Variants in ST14 observed in about 807,000 individuals in gnomAD.
ST14 encodes suppressor of tumorigenicity 14 protein.
ST14 carries 40 observed loss-of-function variants against 96.5 expected under a neutral mutation model. The observed-to-expected ratio is 0.41, with a 90% confidence interval of 0.32 to 0.54. The LOEUF (loss-of-function observed/expected upper bound fraction) is 0.54. Among genes scored for constraint, ST14 ranks in the 20% least tolerant of loss-of-function variants. ST14 has a pLI of 0.17. For missense variants in ST14, 1,066 were observed against 1,188.9 expected, an observed-to-expected ratio of 0.90 and a Z score of 1.52; for synonymous variants, 506 against 492.1, an observed-to-expected ratio of 1.03 and a Z score of -0.37.
rs1953163176 is a variant in ST14 at position 130,178,598 on chromosome 11, G to A, written c.82-9516G>A. On this transcript the variant is annotated intron_variant, in intron 1 of 18. Transcript: ENST00000278742. Reference sequence around the variant, plus strand: ...CGTCCTCACAGCTGGGCTGAGTCAGGTCCTGGGGGACTTTCCTTCAGGCTG... The same window carrying A: ...CGTCCTCACAGCTGGGCTGAGTCAGATCCTGGGGGACTTTCCTTCAGGCTG... Among the ~76,000 whole-genome samples, 4 of 152,186 alleles carry A rather than the reference G, an allele frequency of 2.6e-5. No homozygotes were observed. In the South Asian group the frequency reaches 8.3e-4, roughly 31 times the overall value.
At chr11:130,196,519 C>G (rs762651099) in intron 10 of ST14, 51 bp from the exon 11 acceptor site, 1 of 1,517,958 alleles carries the variant, frequency 6.6e-7, no homozygotes, top group South Asian at 1.1e-5. Context: ...GACCCCCAGC[C>G]CCCCGGCTCC....
Position 130,209,877 on chromosome 11 carries a change from A to C in ST14, c.*54A>C. On this transcript the variant is annotated 3_prime_UTR_variant, in exon 19 of 19. Transcript: ENST00000278742. Reference sequence around the variant, plus strand: ...TGCGGGGCCACCCATCGTCCACCCCAGTGTGCACGCCTGCAGGCTGGAGAC... The same window carrying C: ...TGCGGGGCCACCCATCGTCCACCCCCGTGTGCACGCCTGCAGGCTGGAGAC... 1 of 1,601,504 alleles carries C rather than the reference A, an allele frequency of 6.2e-7. No individual in the cohort carries two copies. Among genetic ancestry groups the C allele is most frequent in the Non-Finnish European group, 8.5e-7 (1 of 1,176,010 alleles).
At chr11:130,208,035 C>T (rs1221672371) in intron 16 of ST14, among the ~76,000 whole-genome samples, 1 of 152,116 alleles carries the variant, frequency 6.6e-6, no homozygotes, top group East Asian at 1.9e-4. Context: ...CATGCCACCA[C>T]CGCACTCCAG....
intron 16 of ST14, among the ~76,000 whole-genome samples, chr11:130,202,305 T>C (rs551730865): frequency 1.2e-4 from 19 of 152,322 alleles, no homozygotes; most frequent in Non-Finnish European, 2.4e-4. Context: ...CTGGTTACTA[T>C]TGACACTAGA....
chr11:130,174,694 C>T (rs1262382352), intron 1 of ST14, among the ~76,000 whole-genome samples: 6 of 152,196 alleles, frequency 3.9e-5, no homozygotes, highest in Non-Finnish European at 8.8e-5. Context: ...CATCCTCCTC[C>T]ACTGTCAGTC....
chr11:130,165,169 T>G (rs1047524816), intron 1 of ST14, among the ~76,000 whole-genome samples: 1 of 152,226 alleles, frequency 6.6e-6, no homozygotes, highest in Admixed American at 6.5e-5. Flanking sequence ...CCCTGTCATA[T>G]CCTATGTGGG....
intron 1 of ST14, among the ~76,000 whole-genome samples, chr11:130,173,583 G>A (rs1335545368): frequency 6.7e-6 from 1 of 148,314 alleles, no homozygotes; most frequent in African/African-American, 2.5e-5. Flanking sequence ...GTGACAGAGC[G>A]AGACTCTGTC....
intron 1 of ST14, among the ~76,000 whole-genome samples, chr11:130,182,400 C>A (rs1486724852): frequency 6.6e-6 from 1 of 151,914 alleles, no homozygotes; most frequent in Non-Finnish European, 1.5e-5. Flanking sequence ...TGGCTCACTG[C>A]AGCCTCAGCC....
chr11:130,162,490 C>G (rs1282530568), intron 1 of ST14, among the ~76,000 whole-genome samples: 1 of 152,202 alleles, frequency 6.6e-6, no homozygotes, highest in East Asian at 1.9e-4. Flanking sequence ...CCTTAGGCAT[C>G]CAGAGACCAA....
At chr11:130,182,210 T>C (rs550961397) in intron 1 of ST14, among the ~76,000 whole-genome samples, 3 of 152,242 alleles carry the variant, frequency 2.0e-5, no homozygotes, top group Non-Finnish European at 4.4e-5. Context: ...AGGACTGTCA[T>C]GAAGATCCAG....
intron 1 of ST14, among the ~76,000 whole-genome samples, chr11:130,184,034 A>C (rs1452433029): frequency 6.6e-6 from 1 of 152,250 alleles, no homozygotes; most frequent in Non-Finnish European, 1.5e-5. Context: ...CAGATGGAAG[A>C]GTGCATACTG....
In ST14 at chr11:130,196,407, G is replaced by C. The variant is rs370617013; in HGVS notation, c.1182G>C (p.Ala394=). The C allele has an allele frequency of 4.0e-5, 64 of 1,610,374 alleles. No individual in the cohort carries two copies. The South Asian group carries it at 6.5e-4, about 16-fold the overall frequency. ...FFYLLEPGVP[A]GTCPKDYVEI... is the part of the protein sequence containing the mutation. ...ACCTGCTGGAGCCCGGCGTGCCTGC[G>C]GGCACCTGCCCCAAGGACTACGTGG... Residue 394 remains alanine (A), a synonymous_variant, in exon 10 of 19, where the codon GCG becomes GCC. Coordinates refer to ENST00000278742, the MANE Select transcript of ST14 (RefSeq NM_021978.4).
At chr11:130,171,748 C>T (rs1369177510) in intron 1 of ST14, among the ~76,000 whole-genome samples, 8 of 152,214 alleles carry the variant, frequency 5.3e-5, no homozygotes, top group African/African-American at 1.4e-4. Context: ...GGCAGAGCCT[C>T]GGGCACACAG....
At chr11:130,171,491 T>C (rs1478032295) in intron 1 of ST14, among the ~76,000 whole-genome samples, 1 of 152,174 alleles carries the variant, frequency 6.6e-6, no homozygotes, top group Non-Finnish European at 1.5e-5. Flanking sequence ...TTCCTTCCTT[T>C]GGATAAATAC....
chr11:130,202,002 CCCAGCCCTAGGA>C (rs1312130120), intron 16 of ST14, among the ~76,000 whole-genome samples: 1 of 152,216 alleles, frequency 6.6e-6, no homozygotes, highest in Non-Finnish European at 1.5e-5. Context: ...GTTTCCCCAG[CCCAGCCCTAGGA>C]CCAGCCATTT....
At chr11:130,174,442 A>G (rs1591879634) in intron 1 of ST14, among the ~76,000 whole-genome samples, 4 of 144,158 alleles carry the variant, frequency 2.8e-5, no homozygotes, top group African/African-American at 1.0e-4. Flanking sequence ...ACCCAAATCT[A>G]TCTGACTCCA....
At chr11:130,207,037 C>T (rs530512499) in intron 16 of ST14, among the ~76,000 whole-genome samples, 1 of 152,246 alleles carries the variant, frequency 6.6e-6, no homozygotes, top group Non-Finnish European at 1.5e-5. Flanking sequence ...TCTTATTGTC[C>T]TAACTTTAGC....
intron 1 of ST14, among the ~76,000 whole-genome samples, chr11:130,164,012 C>T (rs1329759805): frequency 6.6e-6 from 1 of 152,226 alleles, no homozygotes; most frequent in Non-Finnish European, 1.5e-5. Flanking sequence ...TGGCCAGTGG[C>T]TTCTGTCCCT....
At chr11:130,165,561 C>T (rs1397457668) in intron 1 of ST14, among the ~76,000 whole-genome samples, 2 of 152,134 alleles carry the variant, frequency 1.3e-5, no homozygotes, top group African/African-American at 4.8e-5. Flanking sequence ...TTGGGATTTT[C>T]CCCCGAATCC....
Sources: allele counts gnomAD v4.1 joint callset (sites outside exome capture counted in the v4.1 genomes callset), GRCh38; gene constraint gnomAD v4.1.1; transcripts MANE v1.5; gene names NCBI Gene and HGNC (gene_info 2026-07-23, HGNC 2026-07-21).